PEAK1: variants seen among roughly 807,000 people sequenced by gnomAD.
The protein encoded by PEAK1 is pseudopodium enriched atypical kinase 1, also known as inactive tyrosine-protein kinase PEAK1.
Under a neutral mutation model 124.7 loss-of-function variants are expected in PEAK1, and 54 were observed. The observed-to-expected ratio is 0.43, with a 90% CI of 0.35 to 0.54. PEAK1 has a LOEUF of 0.54. Among genes scored for constraint, PEAK1 ranks in the 20% least tolerant of loss-of-function variants. The probability of loss-of-function intolerance (pLI) is 0.01; values close to 1 mark genes in which losing one functional copy is unlikely to be tolerated. For synonymous variants in PEAK1, 719 were observed against 760.0 expected, an observed-to-expected ratio of 0.95 and a Z score of 0.89; for missense variants, 2,046 against 2,134.5, an observed-to-expected ratio of 0.96 and a Z score of 0.82.
chr15:77,326,242 A>G (rs2065568726), intron 2 of PEAK1, among the ~76,000 whole-genome samples: 1 of 152,118 alleles, frequency 6.6e-6, no homozygotes, highest in Non-Finnish European at 1.5e-5. Flanking sequence ...CTTTCACATT[A>G]GGGTCTATTA....
intron 1 of PEAK1, among the ~76,000 whole-genome samples, chr15:77,388,974 T>A (rs1348383133): frequency 4.0e-5 from 6 of 150,758 alleles, no homozygotes; most frequent in Admixed American, 4.0e-4. Flanking sequence ...TTTTTTTTTT[T>A]TTTTTGGAGA....
At chr15:77,388,530 C>T (rs1434394505) in intron 1 of PEAK1, among the ~76,000 whole-genome samples, 1 of 152,128 alleles carries the variant, frequency 6.6e-6, no homozygotes, top group Non-Finnish European at 1.5e-5. Flanking sequence ...AATACTATGT[C>T]AACTAACTCA....
intron 2 of PEAK1, among the ~76,000 whole-genome samples, chr15:77,324,295 A>G (rs1234858877): frequency 3.3e-5 from 5 of 152,226 alleles, no homozygotes; most frequent in Non-Finnish European, 5.9e-5. Context: ...CATGGCCCAC[A>G]TGGTGAAACC....
intron 5 of PEAK1, among the ~76,000 whole-genome samples, chr15:77,266,264 AT>A (rs1246606379): frequency 6.6e-6 from 1 of 152,020 alleles, no homozygotes; most frequent in Non-Finnish European, 1.5e-5. Flanking sequence ...ATAAAAAAAA[AT>A]AAAAATAAAA....
chr15:77,105,671 C>T (rs1452393943), downstream of PEAK1: 1 of 152,286 alleles, frequency 6.6e-6, no homozygotes, highest in Non-Finnish European at 1.5e-5. Context: ...ATTTGCTAGG[C>T]CTTGGAGAGG....
At chr15:77,230,975 A>G (rs2059889130) in intron 6 of PEAK1, among the ~76,000 whole-genome samples, 1 of 152,208 alleles carries the variant, frequency 6.6e-6, no homozygotes, top group Admixed American at 6.5e-5. Flanking sequence ...AAGGAAAAAA[A>G]AAGATCTGAG....
At chr15:77,324,608 T>C (rs1192406004) in intron 2 of PEAK1, among the ~76,000 whole-genome samples, 3 of 152,174 alleles carry the variant, frequency 2.0e-5, no homozygotes, top group South Asian at 4.1e-4. Context: ...CTGTAGGCTA[T>C]ACAGGAAGCA....
rs144958883 is a variant in PEAK1, at chr15:77,110,440, T to A, written c.*3716A>T. On this transcript the variant is annotated 3_prime_UTR_variant, in exon 10 of 10. Transcript: ENST00000682557. ...ACTTTTAAGATATAATTTTTAGTAG[T>A]TTTACTCCCAGAAATGTCATTAATA... The A allele has an allele frequency of 3.9e-5, 6 of 152,298 alleles. No homozygotes were observed. In the East Asian group the frequency reaches 1.2e-3, roughly 29 times the overall value. The allele number at this position is 152,298 out of a possible 1,614,324, so 9.4% of individuals were successfully genotyped here.
At chr15:77,324,336 C>T (rs917406568) in intron 2 of PEAK1, among the ~76,000 whole-genome samples, 1 of 151,996 alleles carries the variant, frequency 6.6e-6, no homozygotes, top group Non-Finnish European at 1.5e-5. Context: ...AAAAAATTAG[C>T]TGGGCATAGT....
At chr15:77,207,808 A>G (rs1201576729) in intron 6 of PEAK1, among the ~76,000 whole-genome samples, 1 of 152,208 alleles carries the variant, frequency 6.6e-6, no homozygotes, top group Non-Finnish European at 1.5e-5. Flanking sequence ...TGTACAACAA[A>G]AAGAGAAAAT....
In PEAK1 at chr15:77,114,705, A is replaced by G. The variant is rs554006194; in HGVS notation, c.4692T>C (p.His1564=). ...SNFSQAKQKS[H]LVDPEILRDQ... ...CCCGGAGGATCTCGGGGTCCACCAG[A>G]TGGCTCTTCTGCTTGGCCTGAGAGA... Residue 1564 remains histidine, a synonymous_variant, in exon 10 of 10, where the codon CAT becomes CAC. Transcript: ENST00000682557. 6.2e-7 allele frequency: 1 copy of G among 1,613,242 alleles called. No homozygotes were observed. The highest frequency in any genetic ancestry group is 1.3e-5 in the African/African-American group (1 of 74,808).
intron 8 of PEAK1, among the ~76,000 whole-genome samples, chr15:77,148,650 C>T (rs983816909): frequency 4.6e-5 from 7 of 152,132 alleles, no homozygotes; most frequent in Non-Finnish European, 7.3e-5. Flanking sequence ...GGTATGGTGG[C>T]TCACCCTTGT....
intron 2 of PEAK1, among the ~76,000 whole-genome samples, chr15:77,345,370 T>A (rs1290206792): frequency 6.6e-6 from 1 of 152,214 alleles, no homozygotes; most frequent in Non-Finnish European, 1.5e-5. Flanking sequence ...ACAAAACTAA[T>A]ACCCCCATTT....
intron 2 of PEAK1, among the ~76,000 whole-genome samples, chr15:77,340,561 T>C (rs556695240): frequency 6.6e-6 from 1 of 152,322 alleles, no homozygotes; most frequent in East Asian, 1.9e-4. Flanking sequence ...TAATCGCAGA[T>C]AGATGCTATT....
chr15:77,321,171 A>G lies in PEAK1; in HGVS notation c.-602-34667T>C, dbSNP rs561914578. 2.0e-5 allele frequency among the ~76,000 whole-genome samples: 3 copies of G among 152,334 alleles called. No individual in the cohort carries two copies. The South Asian group carries it at 6.2e-4, about 32-fold the overall frequency. ...ATGATTTATAATCCTTTGGGTATAT[A>G]CCCAGTAATGGGATGGCTGGGTCAA... On this transcript the variant is annotated intron_variant, in intron 2 of 9. Transcript: ENST00000682557.
intron 9 of PEAK1, among the ~76,000 whole-genome samples, chr15:77,125,479 T>C (rs1308613935): frequency 1.4e-5 from 2 of 146,544 alleles, no homozygotes; most frequent in African/African-American, 5.0e-5. Context: ...CTCTCAGCAC[T>C]GTGTGTGTGT....
intron 5 of PEAK1, among the ~76,000 whole-genome samples, chr15:77,266,909 T>C (rs536778820): frequency 1.2e-4 from 17 of 144,748 alleles, no homozygotes; most frequent in South Asian, 6.4e-4. Context: ...GTTTTCTCAG[T>C]GGGGAGGCTT....
At chr15:77,158,834 T>G in intron 7 of PEAK1, 138 bp from the exon 8 acceptor site, 1 of 772,330 alleles carries the variant, frequency 1.3e-6, no homozygotes, top group Non-Finnish European at 2.0e-6. Flanking sequence ...CACAAGGCAG[T>G]ACTTCATTTA....
At chr15:77,319,334 C>T (rs2065061578) in intron 2 of PEAK1, among the ~76,000 whole-genome samples, 1 of 151,078 alleles carries the variant, frequency 6.6e-6, no homozygotes, top group Admixed American at 6.6e-5. Flanking sequence ...AAACACCTTT[C>T]TTTAAAAAGG....
Sources: allele counts gnomAD v4.1 joint callset (sites outside exome capture counted in the v4.1 genomes callset), GRCh38; gene constraint gnomAD v4.1.1; transcripts MANE v1.5; gene names NCBI Gene and HGNC (gene_info 2026-07-23, HGNC 2026-07-21).